The following CAPS variants were observed in gnomAD, a reference collection of about 807,000 sequenced individuals.
CAPS encodes calcyphosin.
CAPS carries 16 observed loss-of-function variants against 15.5 expected under a neutral mutation model. That is an observed-to-expected ratio of 1.03 (90% CI 0.70 to 1.57). CAPS has a LOEUF of 1.57. Among genes scored for constraint, CAPS ranks in the 40% most tolerant of loss-of-function variants. CAPS has a pLI of 0.00. For missense variants in CAPS, 294 were observed against 278.4 expected, an observed-to-expected ratio of 1.06 and a Z score of -0.40; for synonymous variants, 121 against 116.0, an observed-to-expected ratio of 1.04 and a Z score of -0.28.
rs959830977 is a variant in CAPS at position 5,915,801 on chromosome 19, A to G, written c.*479A>G. The G allele has an allele frequency of 6.7e-6, 1 of 150,168 alleles. No individual in the cohort carries two copies. The highest frequency in any genetic ancestry group is 2.6e-5 in the African/African-American group (1 of 37,930). 9.3% of individuals were successfully genotyped at this position (150,168 alleles called of 1,614,324 possible). On this transcript the variant is annotated 3_prime_UTR_variant, in exon 5 of 5. Coordinates refer to ENST00000588776, the MANE Select transcript of CAPS (RefSeq NM_004058.5). Reference sequence around the variant, plus strand: ...CTCAGAAACTGAAATAAAGCCTTTGAAAAAAAAATCTGTAAAACATCAACC... The same window carrying G: ...CTCAGAAACTGAAATAAAGCCTTTGGAAAAAAAATCTGTAAAACATCAACC...
chr19:5,915,586 T>C lies in CAPS; in HGVS notation c.*264T>C, dbSNP rs998199129. 2 of 400,178 alleles carry C rather than the reference T, an allele frequency of 5.0e-6. No individual in the cohort carries two copies. Among genetic ancestry groups the C allele is most frequent in the Non-Finnish European group, 9.1e-6 (2 of 219,800 alleles). 24.8% of individuals were successfully genotyped at this position (400,178 alleles called of 1,614,324 possible). Reference sequence around the variant, plus strand: ...ACCCACGCCATGCTGACCAGAGATCTTGCAGCCCCTGTGGATGCCCCCGCC... The same window carrying C: ...ACCCACGCCATGCTGACCAGAGATCCTGCAGCCCCTGTGGATGCCCCCGCC... On this transcript the variant is annotated 3_prime_UTR_variant, in exon 5 of 5. Transcript: ENST00000588776.
At position 5,914,965 on chromosome 19, in the gene CAPS, CT is replaced by C; in HGVS notation, c.288del (p.Val97SerfsTer17). On this transcript the variant is annotated frameshift_variant, in exon 4 of 5. Coordinates refer to ENST00000588776, the MANE Select transcript of CAPS (RefSeq NM_004058.5). LOFTEE classifies it high-confidence loss of function. ...CCCCCCATGTCCCAGGCCCGGGAGGCTGTCATCGCAGCTGCATTTGCCAAGC... is the reference window on the plus strand; with the variant it reads ...CCCCCCATGTCCCAGGCCCGGGAGGCGTCATCGCAGCTGCATTTGCCAAGC... ...LRPPMSQAREAVIAAAFAKLD... is the reference protein window; with the variant it reads ...LRPPMSQAREXVIAAAFAKLD... The C allele has an allele frequency of 6.2e-7, 1 of 1,607,804 alleles. No individual in the cohort carries two copies. The highest frequency in any genetic ancestry group is 8.5e-7 in the Non-Finnish European group (1 of 1,179,814).
Position 5,915,712 on chromosome 19 carries a change from G to T in CAPS, c.*390G>T. The T allele has an allele frequency of 4.7e-6, 1 of 211,408 alleles. No individual in the cohort carries two copies. The highest frequency in any genetic ancestry group is 1.1e-4 in the East Asian group (1 of 8,836). 13.1% of individuals were successfully genotyped at this position (211,408 alleles called of 1,614,324 possible). On this transcript the variant is annotated 3_prime_UTR_variant, in exon 5 of 5. Coordinates refer to ENST00000588776, the MANE Select transcript of CAPS (RefSeq NM_004058.5). The stretch of plus-strand genomic sequence containing the variant: ...CCCAGGTGGGAGGCTGTGTGTGGAG[G>T]CCATCCTGGAAGGAAGTTTAGACCT...
rs1398528140 is a variant in CAPS at position 5,914,631 on chromosome 19, C to T, written c.152C>T (p.Ala51Val). Reference protein sequence around the residue: ...LDADEFRQGLAKLGLVLDQAE... With the variant: ...LDADEFRQGLVKLGLVLDQAE... ...GCTGATGAGTTCCGGCAGGGTCTGG[C>T]CAAACTCGGGCTGGTGCTGGACCAG... Residue 51 changes from alanine (A) to valine (V), a missense_variant, in exon 3 of 5, where the codon GCC becomes GTC. Transcript: ENST00000588776. 1 of 1,613,862 alleles carries T rather than the reference C, an allele frequency of 6.2e-7. No individual in the cohort carries two copies. The highest frequency in any genetic ancestry group is 8.5e-7 in the Non-Finnish European group (1 of 1,179,912).
Position 5,915,576 on chromosome 19 carries a change from A to G in CAPS, c.*254A>G. 2.1e-6 allele frequency: 1 copy of G among 471,620 alleles called. No homozygotes were observed. The highest frequency in any genetic ancestry group is 3.6e-5 in the Admixed American group (1 of 27,958). 29.2% of individuals were successfully genotyped at this position (471,620 alleles called of 1,614,324 possible). A position where few individuals can be genotyped will look rare whatever the true frequency, so the allele number is the denominator to read the frequency against. Reference sequence around the variant, plus strand: ...CGCTCTCCCCACCCACGCCATGCTGACCAGAGATCTTGCAGCCCCTGTGGA... The same window carrying G: ...CGCTCTCCCCACCCACGCCATGCTGGCCAGAGATCTTGCAGCCCCTGTGGA... On this transcript the variant is annotated 3_prime_UTR_variant, in exon 5 of 5. Coordinates refer to ENST00000588776, the MANE Select transcript of CAPS (RefSeq NM_004058.5).
At position 5,915,122 on chromosome 19, in the gene CAPS, C is replaced by G. The variant is rs777319140; in HGVS notation, c.444C>G (p.Phe148Leu). 1.9e-6 allele frequency: 3 copies of G among 1,613,190 alleles called. No individual in the cohort carries two copies. Among genetic ancestry groups the G allele is most frequent in the East Asian group, 4.5e-5 (2 of 44,882 alleles). ...DEVLRRFLDN[F>L]DSSEKDGQVT... is the part of the protein sequence containing the mutation. ...TGCTGCGCCGCTTCCTGGACAACTT[C>G]GACTCCTCTGAGAAGGACGGGCAGG... Residue 148 changes from phenylalanine (F) to leucine (L), a missense_variant, in exon 4 of 5, where the codon TTC (phenylalanine) becomes TTG (leucine). Physicochemically the swap from Phe to Leu is conservative, Grantham distance 22. Transcript: ENST00000588776.
Position 5,915,050 on chromosome 19 carries a change from C to T in CAPS, c.372C>T (p.Gly124=), listed in dbSNP as rs1264813527. The change falls in exon 4 of 5, where the codon GGC becomes GGT. Residue 124 remains glycine, a synonymous_variant. Transcript: ENST00000588776. The stretch of plus-strand genomic sequence containing the variant: ...ACGACCTCCGCGGGGTGTACAGTGG[C>T]CGTGCCCACCCCAAGGTGCGCAGTG... ...TVDDLRGVYS[G]RAHPKVRSGE... is the part of the protein sequence containing the mutation. 3.1e-6 allele frequency: 5 copies of T among 1,612,950 alleles called. No individual in the cohort carries two copies. The highest frequency in any genetic ancestry group is 1.7e-6 in the Non-Finnish European group (2 of 1,179,902).
rs756915135 is a variant in CAPS, at chr19:5,914,453, T to G, written c.47T>G (p.Leu16Arg). 1.2e-6 allele frequency: 2 copies of G among 1,612,794 alleles called. No individual in the cohort carries two copies. Among genetic ancestry groups the G allele is most frequent in the Non-Finnish European group, 1.7e-6 (2 of 1,179,686 alleles). ...ATMEKLRAQC[L>R]SRGASGIQGL... ...ATGGAGAAACTCCGGGCACAGTGCCTGTCCCGCGGGGCCTCGGGCATCCAG... is the reference window on the plus strand; with the variant it reads ...ATGGAGAAACTCCGGGCACAGTGCCGGTCCCGCGGGGCCTCGGGCATCCAG... Residue 16 changes from leucine (L) to arginine (R), a missense_variant, in exon 2 of 5, where the codon CTG becomes CGG. Physicochemically the swap from Leu to Arg is moderately radical, Grantham distance 102 (BLOSUM62 -2). Coordinates refer to ENST00000588776, the MANE Select transcript of CAPS (RefSeq NM_004058.5).
At position 5,914,382 on chromosome 19, in the gene CAPS, C is replaced by T; in HGVS notation, c.-22-3C>T. On this transcript the variant is annotated splice_polypyrimidine_tract_variant and splice_region_variant and intron_variant, in intron 1 of 4. Transcript: ENST00000588776. ...TCCCCACCTTGACCTCTCTCCCTTC[C>T]AGCTGCCCAGAGCCCAGACCAAGCA... 3.1e-6 allele frequency: 5 copies of T among 1,613,160 alleles called. No homozygotes were observed. Among genetic ancestry groups the T allele is most frequent in the Non-Finnish European group, 4.2e-6 (5 of 1,180,000 alleles).
At position 5,915,123 on chromosome 19, in the gene CAPS, G is replaced by A. The variant is rs142100732; in HGVS notation, c.445G>A (p.Asp149Asn). Reference sequence around the variant, plus strand: ...GCTGCGCCGCTTCCTGGACAACTTCGACTCCTCTGAGAAGGACGGGCAGGT... The same window carrying A: ...GCTGCGCCGCTTCCTGGACAACTTCAACTCCTCTGAGAAGGACGGGCAGGT... The part of the protein sequence containing the change: ...EVLRRFLDNF[D>N]SSEKDGQVTL... Residue 149 changes from aspartate (D) to asparagine (N), a missense_variant, in exon 4 of 5, where the codon GAC becomes AAC. Coordinates refer to ENST00000588776, the MANE Select transcript of CAPS (RefSeq NM_004058.5). The A allele has an allele frequency of 2.9e-4, 471 of 1,613,196 alleles. No homozygotes were observed. Among genetic ancestry groups the A allele is most frequent in the Non-Finnish European group, 3.9e-4 (461 of 1,179,850 alleles).
At position 5,914,715 on chromosome 19, in the gene CAPS, T is replaced by C; in HGVS notation, c.236T>C (p.Leu79Pro). 1 of 1,612,962 alleles carries C rather than the reference T, an allele frequency of 6.2e-7. No homozygotes were observed. Among genetic ancestry groups the C allele is most frequent in the Non-Finnish European group, 8.5e-7 (1 of 1,179,512 alleles). Residue 79 changes from leucine (L) to proline (P), a missense_variant, in exon 3 of 5, where the codon CTG becomes CCG. Coordinates refer to ENST00000588776, the MANE Select transcript of CAPS (RefSeq NM_004058.5). ...WDRNGSGTLD[L>P]EEFLRALRPP... ...CGCAATGGCAGCGGGACGCTGGATC[T>C]GGAGGAGTTCCTTCGGGCGCTGCGG...
rs755619424 is a variant in CAPS, at chr19:5,915,069, C to T, written c.391C>T (p.Arg131Cys). 20 of 1,612,790 alleles carry T rather than the reference C, an allele frequency of 1.2e-5. No individual in the cohort carries two copies. Among genetic ancestry groups the T allele is most frequent in the East Asian group, 4.5e-5 (2 of 44,864 alleles). The part of the protein sequence containing the change: ...VYSGRAHPKV[R>C]SGEWTEDEVL... ...CAGTGGCCGTGCCCACCCCAAGGTG[C>T]GCAGTGGGGAGTGGACCGAGGACGA... Residue 131 changes from arginine (R) to cysteine (C), a missense_variant, in exon 4 of 5, where the codon CGC becomes TGC. Arg to Cys is a radical substitution (Grantham distance 180). Transcript: ENST00000588776.
chr19:5,914,602 G>A lies in CAPS; in HGVS notation c.123G>A (p.Leu41=). 6.2e-7 allele frequency: 1 copy of A among 1,613,210 alleles called. No individual in the cohort carries two copies. The highest frequency in any genetic ancestry group is 8.5e-7 in the Non-Finnish European group (1 of 1,179,516). ...RQLDRDGSRS[L]DADEFRQGLA... ...TAGACCGGGACGGGAGCAGATCCCT[G>A]GACGCTGATGAGTTCCGGCAGGGTC... Residue 41 remains leucine, a synonymous_variant, in exon 3 of 5, where the codon CTG becomes CTA. Transcript: ENST00000588776.
Position 5,914,642 on chromosome 19 carries a change from C to G in CAPS, c.163C>G (p.Leu55Val), listed in dbSNP as rs1204169012. The G allele has an allele frequency of 1.9e-6, 3 of 1,613,912 alleles. No individual in the cohort carries two copies. The highest frequency in any genetic ancestry group is 2.5e-6 in the Non-Finnish European group (3 of 1,180,000). ...EFRQGLAKLG[L>V]VLDQAEAEGV... ...CCGGCAGGGTCTGGCCAAACTCGGG[C>G]TGGTGCTGGACCAGGCGGAGGCAGA... is the stretch of plus-strand genomic sequence containing the variant. Residue 55 changes from leucine (L) to valine (V), a missense_variant, in exon 3 of 5, where the codon CTG becomes GTG. By Grantham distance (32) the Leu-to-Val change is conservative. Transcript: ENST00000588776.
In CAPS at chr19:5,914,747, C is replaced by T. The variant is rs1236851829; in HGVS notation, c.261+7C>T. 2 of 1,603,208 alleles carry T rather than the reference C, an allele frequency of 1.2e-6. No homozygotes were observed. Among genetic ancestry groups the T allele is most frequent in the Admixed American group, 1.7e-5 (1 of 59,448 alleles). ...GTTCCTTCGGGCGCTGCGGGTGAGC[C>T]CCCACCTCACAGTCAAGGCGTGTGC... On this transcript the variant is annotated splice_region_variant and intron_variant, in intron 3 of 4. Coordinates refer to ENST00000588776, the MANE Select transcript of CAPS (RefSeq NM_004058.5).
chr19:5,914,859 A>T (rs1452006343), intron 3 of CAPS, 81 bp from the exon 4 acceptor site: 2 of 1,519,800 alleles, frequency 1.3e-6, no homozygotes, highest in Non-Finnish European at 1.8e-6. Flanking sequence ...CTGCTGGGGC[A>T]TACAGCCCCA....
intron 3 of CAPS, 90 bp downstream of exon 3, chr19:5,914,830 A>G: frequency 1.3e-6 from 2 of 1,543,648 alleles, no homozygotes; most frequent in Non-Finnish European, 1.7e-6. Flanking sequence ...CCTCCCTAAG[A>G]GCTGCTGTTA....
rs1277825491 is a variant in CAPS at position 5,914,964 on chromosome 19, G to T, written c.286G>T (p.Ala96Ser). 6.2e-7 allele frequency: 1 copy of T among 1,607,684 alleles called. No homozygotes were observed. The highest frequency in any genetic ancestry group is 8.5e-7 in the Non-Finnish European group (1 of 1,179,842). The stretch of plus-strand genomic sequence containing the variant: ...GCCCCCCATGTCCCAGGCCCGGGAG[G>T]CTGTCATCGCAGCTGCATTTGCCAA... ...LRPPMSQARE[A>S]VIAAAFAKLD... Residue 96 changes from alanine (A) to serine (S), a missense_variant, in exon 4 of 5, where the codon GCT (alanine) becomes TCT (serine). Ala to Ser is a moderately conservative substitution (Grantham distance 99, BLOSUM62 1). Transcript: ENST00000588776.
chr19:5,915,068 G>A lies in CAPS; in HGVS notation c.390G>A (p.Val130=), dbSNP rs1181989270. The change falls in exon 4 of 5, where the codon GTG becomes GTA. Residue 130 remains valine, a synonymous_variant. Coordinates refer to ENST00000588776, the MANE Select transcript of CAPS (RefSeq NM_004058.5). Reference sequence around the variant, plus strand: ...ACAGTGGCCGTGCCCACCCCAAGGTGCGCAGTGGGGAGTGGACCGAGGACG... The same window carrying A: ...ACAGTGGCCGTGCCCACCCCAAGGTACGCAGTGGGGAGTGGACCGAGGACG... ...GVYSGRAHPK[V]RSGEWTEDEV... 5.6e-6 allele frequency: 9 copies of A among 1,612,976 alleles called. No individual in the cohort carries two copies. The Admixed American group carries it at 1.3e-4, about 24-fold the overall frequency.
Sources: allele counts gnomAD v4.1 joint callset, GRCh38; gene constraint gnomAD v4.1.1; transcripts MANE v1.5; gene names NCBI Gene and HGNC (gene_info 2026-07-23, HGNC 2026-07-21).